SLC7A11: variants seen among roughly 807,000 people sequenced by gnomAD.
SLC7A11 encodes cystine/glutamate transporter.
In SLC7A11, 35 loss-of-function variants were observed where a neutral mutation model predicts 54.5. That is an observed-to-expected ratio of 0.64 (90% CI 0.49 to 0.85). SLC7A11 has a LOEUF of 0.85. Ranked by LOEUF, SLC7A11 falls within the 40% of genes least tolerant of loss-of-function variation. The pLI is 0.00. For synonymous variants in SLC7A11, 230 were observed against 225.2 expected, an observed-to-expected ratio of 1.02 and a Z score of -0.19; for missense variants, 583 against 618.1, an observed-to-expected ratio of 0.94 and a Z score of 0.60.
At chr4:138,185,975 G>A (rs1180976070) in intron 6 of SLC7A11, among the ~76,000 whole-genome samples, 4 of 152,096 alleles carry the variant, frequency 2.6e-5, no homozygotes, top group Non-Finnish European at 4.4e-5. Context: ...ATGCAACAGC[G>A]CAGATAATCC....
chr4:138,224,899 G>GCA (rs1168981005), intron 3 of SLC7A11, among the ~76,000 whole-genome samples: 1 of 151,412 alleles, frequency 6.6e-6, no homozygotes, highest in Non-Finnish European at 1.5e-5. Context: ...AACATCAACA[G>GCA]CAGGTGTTTA....
chr4:138,172,685 C>T (rs1012065470), intron 11 of SLC7A11, among the ~76,000 whole-genome samples: 11 of 152,144 alleles, frequency 7.2e-5, no homozygotes, highest in Non-Finnish European at 1.5e-5. Flanking sequence ...GAACTGAGGG[C>T]ATCCCAAGAA....
chr4:138,185,104 T>G lies in SLC7A11; in HGVS notation c.915+17A>C. On this transcript the variant is annotated intron_variant, in intron 7 of 11. Transcript: ENST00000280612. ...TTAACCTAAATTCCAATTGGCATTT[T>G]CCCAACTTGGACTTACCACTGCCAC... The G allele has an allele frequency of 6.2e-7, 1 of 1,612,292 alleles. No homozygotes were observed. Among genetic ancestry groups the G allele is most frequent in the East Asian group, 2.2e-5 (1 of 44,772 alleles).
chr4:138,221,669 A>G lies in SLC7A11; in HGVS notation c.646+1530T>C, dbSNP rs183702055. On this transcript the variant is annotated intron_variant, in intron 4 of 11. Transcript: ENST00000280612. ...TAAAAAAACCTCAAGATATATCATG[A>G]CCTCTGCTCTCAAGGAATTTGCAAT... 2.7e-3 allele frequency among the ~76,000 whole-genome samples: 413 copies of G among 152,224 alleles called. 3 individuals carry two copies. Among genetic ancestry groups the G allele is most frequent in the Non-Finnish European group, 3.8e-3 (259 of 68,018 alleles).
At chr4:138,190,482 C>A (rs1736983473) in intron 6 of SLC7A11, among the ~76,000 whole-genome samples, 1 of 151,966 alleles carries the variant, frequency 6.6e-6, no homozygotes, top group Admixed American at 6.6e-5. Context: ...CCTGTAAAGA[C>A]CTTGAAAGCT....
At chr4:138,240,307 C>T (rs193201355) in intron 1 of SLC7A11, among the ~76,000 whole-genome samples, 240 of 152,214 alleles carry the variant, frequency 1.6e-3, no homozygotes, top group Middle Eastern at 3.4e-3. Flanking sequence ...TGGCTCATAT[C>T]TGTAATCCCA....
In SLC7A11 at chr4:138,171,620, C is replaced by T. The variant is rs1736427266; in HGVS notation, c.*336G>A. On this transcript the variant is annotated 3_prime_UTR_variant, in exon 12 of 12. Transcript: ENST00000280612. The stretch of plus-strand genomic sequence containing the variant: ...ATATATACAGAAAAATCTCAGTCTT[C>T]AATTTGAAGGTTCTTTGCCGTGCTA... 1 of 236,392 alleles carries T rather than the reference C, an allele frequency of 4.2e-6. No individual in the cohort carries two copies. Among genetic ancestry groups the T allele is most frequent in the African/African-American group, 2.3e-5 (1 of 43,050 alleles). 14.6% of individuals were successfully genotyped at this position (236,392 alleles called of 1,614,324 possible).
At chr4:138,219,471 A>T (rs901121707) in intron 4 of SLC7A11, 106 bp from the exon 5 acceptor site, 7 of 667,506 alleles carry the variant, frequency 1.0e-5, no homozygotes, top group Non-Finnish European at 1.9e-5. Context: ...GTAAGTCTAG[A>T]TTTCTTACTC....
intron 6 of SLC7A11, among the ~76,000 whole-genome samples, chr4:138,191,891 T>C (rs1737020804): frequency 6.6e-6 from 1 of 152,060 alleles, no homozygotes; most frequent in South Asian, 2.1e-4. Flanking sequence ...TGTAGGGAAG[T>C]TCTAGTGTAC....
At chr4:138,230,957 G>A (rs1020946158) in intron 3 of SLC7A11, among the ~76,000 whole-genome samples, 4 of 152,062 alleles carry the variant, frequency 2.6e-5, no homozygotes, top group African/African-American at 9.7e-5. Context: ...ATCAAATGAT[G>A]TTTTTCCAAA....
At chr4:138,198,683 A>G (rs1737199313) in intron 6 of SLC7A11, among the ~76,000 whole-genome samples, 1 of 152,174 alleles carries the variant, frequency 6.6e-6, no homozygotes, top group Admixed American at 6.6e-5. Flanking sequence ...TCTTCTAGCA[A>G]TCTATTCTAA....
At chr4:138,195,514 A>G (rs1232043115) in intron 6 of SLC7A11, among the ~76,000 whole-genome samples, 1 of 152,136 alleles carries the variant, frequency 6.6e-6, no homozygotes, top group Non-Finnish European at 1.5e-5. Context: ...TTCAAACAGA[A>G]CAAGACATGG....
chr4:138,218,329 A>C (rs1737727007), intron 5 of SLC7A11, among the ~76,000 whole-genome samples: 1 of 152,250 alleles, frequency 6.6e-6, no homozygotes, highest in African/African-American at 2.4e-5. Flanking sequence ...CTAAAGCTGT[A>C]TAACAATGAG....
At chr4:138,216,476 G>A (rs1379703648) in intron 5 of SLC7A11, among the ~76,000 whole-genome samples, 2 of 152,162 alleles carry the variant, frequency 1.3e-5, no homozygotes, top group East Asian at 3.9e-4. Flanking sequence ...ACTGGCAGAT[G>A]TATTTCTCTG....
At chr4:138,190,662 A>G (rs191069119) in intron 6 of SLC7A11, among the ~76,000 whole-genome samples, 3 of 152,266 alleles carry the variant, frequency 2.0e-5, no homozygotes, top group African/African-American at 7.2e-5. Context: ...AAATGAGTAC[A>G]TTTCAAAGAA....
intron 6 of SLC7A11, 115 bp from the exon 7 acceptor site, chr4:138,185,359 A>C (rs1278139162): frequency 9.2e-6 from 11 of 1,200,530 alleles, no homozygotes; most frequent in Non-Finnish European, 1.3e-5. Context: ...CAATAATTAT[A>C]GGCTCTGTTG....
intron 9 of SLC7A11, among the ~76,000 whole-genome samples, chr4:138,181,914 A>G (rs970855219): frequency 6.6e-6 from 1 of 152,130 alleles, no homozygotes; most frequent in African/African-American, 2.4e-5. Flanking sequence ...AGGTGCCTAG[A>G]TGATACATCT....
At position 138,225,577 on chromosome 4, in the gene SLC7A11, A is replaced by G. The variant is rs868023385; in HGVS notation, c.521-2253T>C. ...TCTCCCCAATATAAGGCACTTATAT[A>G]TGGAAAATAAGTTAGTGTAACTCTG... is the stretch of plus-strand genomic sequence containing the variant. On this transcript the variant is annotated intron_variant, in intron 3 of 11. Transcript: ENST00000280612. 2.6e-5 allele frequency among the ~76,000 whole-genome samples: 4 copies of G among 152,230 alleles called. 1 individual carries two copies. In the South Asian group the frequency reaches 8.3e-4, roughly 32 times the overall value.
chr4:138,198,898 A>G (rs1325385664), intron 6 of SLC7A11, among the ~76,000 whole-genome samples: 1 of 152,152 alleles, frequency 6.6e-6, no homozygotes, highest in Admixed American at 6.6e-5. Context: ...TAGGTGATAT[A>G]CGAAAATATA....
Sources: gnomAD v4.1 joint callset for allele counts (sites outside exome capture counted in the v4.1 genomes callset) on GRCh38, gnomAD v4.1.1 for gene constraint, MANE v1.5 for transcripts, NCBI Gene and HGNC (gene_info 2026-07-23, HGNC 2026-07-21) for gene names.